The following UFD1 variants were observed in gnomAD, a reference collection of about 807,000 sequenced individuals.
UFD1 encodes ubiquitin recognition factor in ER associated degradation 1.
Under a neutral mutation model 45.9 loss-of-function variants are expected in UFD1, and 13 were observed. That is an observed-to-expected ratio of 0.28 (90% CI 0.18 to 0.45). The LOEUF (loss-of-function observed/expected upper bound fraction) is 0.45. Ranked by LOEUF, UFD1 falls within the 20% of genes least tolerant of loss-of-function variation. The pLI is 1.00. For synonymous variants in UFD1, 128 were observed against 139.2 expected (o/e 0.92, Z 0.56); for missense variants, 218 against 389.2 (o/e 0.56, Z 3.70).
chr22:19,473,049 G>C (rs539645638), intron 3 of UFD1, among the ~76,000 whole-genome samples: 1 of 152,336 alleles, frequency 6.6e-6, no homozygotes, highest in South Asian at 2.1e-4. Flanking sequence ...TGGAGGTACA[G>C]TAAGGGTGGG....
chr22:19,460,858 G>C (rs541686724), intron 6 of UFD1, among the ~76,000 whole-genome samples: 1 of 148,208 alleles, frequency 6.7e-6, no homozygotes, highest in Admixed American at 6.9e-5. Context: ...TGATCCTCCC[G>C]CCTCAGCCTC....
At chr22:19,456,266 C>T (rs1312246677) in intron 9 of UFD1, among the ~76,000 whole-genome samples, 1 of 152,170 alleles carries the variant, frequency 6.6e-6, no homozygotes, top group Admixed American at 6.5e-5. Context: ...ACATGATTTA[C>T]AAGAGAGAGA....
Position 19,456,910 on chromosome 22 carries a change from A to G in UFD1, c.573T>C (p.Phe191=), listed in dbSNP as rs769790203. The G allele has an allele frequency of 6.3e-7, 1 of 1,595,354 alleles. No homozygotes were observed. ...SIIECDMNVD[F]DAPLGYKEPE... The stretch of plus-strand genomic sequence containing the variant: ...GTTCTTTGTAGCCCAGGGGAGCATC[A>G]AAGTCCACCTGTGTTTCCAGGATTT... The change falls in exon 8 of 12, where the codon TTT becomes TTC. Residue 191 remains phenylalanine (F), a synonymous_variant. Coordinates refer to ENST00000263202, the MANE Select transcript of UFD1 (RefSeq NM_005659.7).
intron 5 of UFD1, chr22:19,465,660 TTC>T (rs2089796670): frequency 4.6e-6 from 1 of 215,626 alleles, no homozygotes; most frequent in Non-Finnish European, 9.5e-6. Flanking sequence ...CATGGAAATG[TTC>T]TGATTACATG....
chr22:19,451,413 C>T lies in UFD1; in HGVS notation c.850-669G>A, dbSNP rs2089681782. 5.1e-6 allele frequency: 5 copies of T among 985,136 alleles called. No homozygotes were observed. In the South Asian group the frequency reaches 1.9e-4, roughly 37 times the overall value. The allele number at this position is 985,136 out of a possible 1,614,324, so 61.0% of individuals were successfully genotyped here. On this transcript the variant is annotated intron_variant, in intron 11 of 11. Coordinates refer to ENST00000263202, the MANE Select transcript of UFD1 (RefSeq NM_005659.7). ...TCAAATTCCTGGGTCAAAGTGTGTACACACTTTTAATGCTTTTAACATATA... is the reference window on the plus strand; with the variant it reads ...TCAAATTCCTGGGTCAAAGTGTGTATACACTTTTAATGCTTTTAACATATA...
chr22:19,475,510 T>C lies in UFD1; in HGVS notation c.96A>G (p.Ala32=), dbSNP rs1467229127. Reference sequence around the variant, plus strand: ...CCACATCTGACCTGTCATTAGGCCCTGCTAGCATGGACACAGAGAAGCAGC... The same window carrying C: ...CCACATCTGACCTGTCATTAGGCCCCGCTAGCATGGACACAGAGAAGCAGC... ...QYRCFSVSML[A]GPNDRSDVEK... Residue 32 remains alanine (A), a synonymous_variant, in exon 2 of 12, where the codon GCA becomes GCG. Transcript: ENST00000263202. The C allele has an allele frequency of 3.1e-6, 5 of 1,614,100 alleles. No homozygotes were observed. The East Asian group carries it at 1.1e-4, about 36-fold the overall frequency.
intron 11 of UFD1, chr22:19,453,798 A>AT: frequency 2.0e-6 from 2 of 985,534 alleles, no homozygotes. Context: ...AGTAATTGGG[A>AT]TGGCTCCCAT....
rs1338063272 is a variant in UFD1 at position 19,454,834 on chromosome 22, T to G, written c.768-4A>C. ...AAATTCATAATTGGGAATTCCTCTG[T>G]AAGAAGAGACAGAGACAGAGAAATG... On this transcript the variant is annotated splice_region_variant and splice_polypyrimidine_tract_variant and intron_variant, in intron 10 of 11. Transcript: ENST00000263202. The G allele has an allele frequency of 4.3e-6, 7 of 1,612,916 alleles. No homozygotes were observed. The highest frequency in any genetic ancestry group is 5.9e-6 in the Non-Finnish European group (7 of 1,179,620).
intron 4 of UFD1, chr22:19,469,935 G>T (rs775969834): frequency 7.7e-6 from 4 of 518,382 alleles, no homozygotes; most frequent in Admixed American, 5.8e-5. Context: ...TCAAGTCTAT[G>T]GGTTAAAGGA....
rs747551330 is a variant in UFD1, at chr22:19,455,783, G to A, written c.679-15C>T. The A allele has an allele frequency of 5.6e-6, 9 of 1,613,038 alleles. No individual in the cohort carries two copies. The highest frequency in any genetic ancestry group is 2.7e-5 in the African/African-American group (2 of 75,000). On this transcript the variant is annotated splice_polypyrimidine_tract_variant and intron_variant, in intron 9 of 11. Transcript: ENST00000263202. Reference sequence around the variant, plus strand: ...CCAGAGAAAGCCTAGACAGGAAGTAGGTGAGTCATATAATAAGCCCAAGTG... The same window carrying A: ...CCAGAGAAAGCCTAGACAGGAAGTAAGTGAGTCATATAATAAGCCCAAGTG...
intron 6 of UFD1, among the ~76,000 whole-genome samples, chr22:19,459,301 A>G (rs1482840913): frequency 6.6e-6 from 1 of 152,206 alleles, no homozygotes; most frequent in Non-Finnish European, 1.5e-5. Context: ...TCACCTATGT[A>G]AAAAAGGCAC....
chr22:19,451,984 C>T (rs2089686445), intron 11 of UFD1: 3 of 972,658 alleles, frequency 3.1e-6, no homozygotes, highest in Non-Finnish European at 2.4e-6. Context: ...TAGTGAGGAA[C>T]ACCTCCTAGG....
chr22:19,461,237 C>T (rs2089764078), intron 6 of UFD1, among the ~76,000 whole-genome samples: 1 of 152,212 alleles, frequency 6.6e-6, no homozygotes, highest in East Asian at 1.9e-4. Flanking sequence ...GTGTGTACCA[C>T]ATATTATTTA....
chr22:19,451,671 A>C, intron 11 of UFD1: 1 of 985,482 alleles, frequency 1.0e-6, no homozygotes, highest in Non-Finnish European at 1.2e-6. Context: ...TATACCTGCA[A>C]TAGAGCACTG....
At chr22:19,452,024 ATCT>A in intron 11 of UFD1, 1 of 800,952 alleles carries the variant, frequency 1.2e-6, no homozygotes, top group Non-Finnish European at 1.5e-6. Context: ...CATGAGGATT[ATCT>A]TCTTGTGAGT....
chr22:19,479,166 T>C lies in UFD1; in HGVS notation c.-81A>G, dbSNP rs1223922232. The C allele has an allele frequency of 1.9e-6, 3 of 1,570,960 alleles. No homozygotes were observed. The highest frequency in any genetic ancestry group is 4.8e-5 in the East Asian group (2 of 41,734). On this transcript the variant is annotated 5_prime_UTR_variant, in exon 1 of 12. Coordinates refer to ENST00000263202, the MANE Select transcript of UFD1 (RefSeq NM_005659.7). ...CGCCGACCGCTCTCCCAGCCGCCGC[T>C]GCCGCTGCCGCCGCGCCAAGCCGGT...
rs1331104554 is a variant in UFD1, at chr22:19,450,058, C to A, written c.*612G>T. On this transcript the variant is annotated 3_prime_UTR_variant, in exon 12 of 12. Transcript: ENST00000263202. ...CACTATGAACAGGTTCACTAAGGAG[C>A]CAGTTATGTCCATATGAAATGAGAA... is the stretch of plus-strand genomic sequence containing the variant. The A allele has an allele frequency of 6.6e-6, 1 of 152,152 alleles. No homozygotes were observed. Among genetic ancestry groups the A allele is most frequent in the Non-Finnish European group, 1.5e-5 (1 of 68,046 alleles). The allele number at this position is 152,152 out of a possible 1,614,324, so 9.4% of individuals were successfully genotyped here.
chr22:19,455,696 G>T lies in UFD1; in HGVS notation c.751C>A (p.Pro251Thr). ...CAGACCTACCTTTTAATATCTCCAG[G>T]CTTGATTGGGGAGGGGCTGGGCTCT... ...GVEPSPSPIK[P>T]GDIKRGIPNY... The change falls in exon 10 of 12, where the codon CCT becomes ACT. Residue 251 changes from proline to threonine, a missense_variant. Coordinates refer to ENST00000263202, the MANE Select transcript of UFD1 (RefSeq NM_005659.7). 6.2e-7 allele frequency: 1 copy of T among 1,614,048 alleles called. No homozygotes were observed. Among genetic ancestry groups the T allele is most frequent in the Non-Finnish European group, 8.5e-7 (1 of 1,179,926 alleles).
At chr22:19,458,404 C>T (rs1358344027) in intron 6 of UFD1, among the ~76,000 whole-genome samples, 2 of 152,124 alleles carry the variant, frequency 1.3e-5, no homozygotes, top group African/African-American at 4.8e-5. Flanking sequence ...ACACTAACAA[C>T]CTTTAACCTG....
Sources: allele counts gnomAD v4.1 joint callset (sites outside exome capture counted in the v4.1 genomes callset), GRCh38; gene constraint gnomAD v4.1.1; transcripts MANE v1.5; gene names NCBI Gene and HGNC (gene_info 2026-07-23, HGNC 2026-07-21).